The following MRPS27 variants were observed in gnomAD, a reference collection of about 807,000 sequenced individuals.
The protein encoded by MRPS27 is small ribosomal subunit protein mS27.
Under a neutral mutation model 48.9 loss-of-function variants are expected in MRPS27, and 43 were observed. The observed-to-expected ratio is 0.88, with a 90% CI of 0.69 to 1.13. The LOEUF (loss-of-function observed/expected upper bound fraction) is 1.13, where lower values mean the gene tolerates loss of function less well. Among genes scored for constraint, MRPS27 ranks in the 50% most tolerant of loss-of-function variants. The pLI, the probability that MRPS27 is intolerant of heterozygous loss-of-function variation, is 0.00. For synonymous variants in MRPS27, 188 were observed against 171.9 expected (o/e 1.09, Z -0.73); for missense variants, 467 against 476.3 (o/e 0.98, Z 0.18).
intron 10 of MRPS27, 43 bp downstream of exon 10, chr5:72,223,640 G>A: frequency 6.2e-7 from 1 of 1,607,584 alleles, no homozygotes; most frequent in East Asian, 2.2e-5. Flanking sequence ...AGAGAAGTGT[G>A]TTTTATGCGC....
In MRPS27 at chr5:72,320,173, C is replaced by T. The variant is rs750417687; in HGVS notation, c.49G>A (p.Val17Ile). The T allele has an allele frequency of 2.5e-6, 4 of 1,613,960 alleles. No individual in the cohort carries two copies. In the East Asian group the frequency reaches 8.9e-5, roughly 36 times the overall value. ...RRGMLLARQV[V>I]LPQLSPAGKR... ...CCTGCAGGAGAGAGCTGAGGAAGAA[C>T]CACTTGCCGCGCCAGGAGCATCCCG... The change falls in exon 1 of 11, where the codon GTT becomes ATT. Residue 17 changes from valine to isoleucine, a missense_variant. Transcript: ENST00000261413.
In MRPS27 at chr5:72,234,216, T is replaced by C. The variant is rs1371350705; in HGVS notation, c.397-19A>G. 1.4e-6 allele frequency: 2 copies of C among 1,456,952 alleles called. No homozygotes were observed. Among genetic ancestry groups the C allele is most frequent in the African/African-American group, 3.0e-5 (2 of 67,706 alleles). 90.3% of individuals were successfully genotyped at this position (1,456,952 alleles called of 1,614,324 possible). ...ATTGAACCTATAATGAAAATGAACA[T>C]AACAGGAAAAAAAGAGAAAATTATC... On this transcript the variant is annotated intron_variant, in intron 5 of 10. Transcript: ENST00000261413.
At chr5:72,310,352 C>T (rs1750411420) in intron 2 of MRPS27, among the ~76,000 whole-genome samples, 1 of 151,122 alleles carries the variant, frequency 6.6e-6, no homozygotes, top group Admixed American at 6.6e-5. Flanking sequence ...GAAGGGTACA[C>T]AGTGAGCCTG....
intron 5 of MRPS27, among the ~76,000 whole-genome samples, chr5:72,236,662 G>A (rs1056176343): frequency 5.3e-5 from 8 of 151,862 alleles, no homozygotes; most frequent in Admixed American, 3.3e-4. Flanking sequence ...TCTTTTACTC[G>A]CTTCCTTACC....
intron 4 of MRPS27, among the ~76,000 whole-genome samples, chr5:72,280,021 A>G (rs1454167223): frequency 6.6e-6 from 1 of 152,186 alleles, no homozygotes; most frequent in Non-Finnish European, 1.5e-5. Context: ...AAAATATCTC[A>G]GGTTTCCAGA....
At chr5:72,297,799 G>T (rs371105815) in intron 2 of MRPS27, 97 bp from the exon 3 acceptor site, 2 of 532,510 alleles carry the variant, frequency 3.8e-6, no homozygotes. Context: ...TAAAAGAAAC[G>T]TTCTTTCTTG....
chr5:72,228,798 A>G (rs943197461), intron 7 of MRPS27: 4 of 154,436 alleles, frequency 2.6e-5, no homozygotes, highest in African/African-American at 9.6e-5. Context: ...TGATGGAACA[A>G]GCTTTTGAAT....
At chr5:72,278,764 T>C (rs1749453844) in intron 4 of MRPS27, among the ~76,000 whole-genome samples, 1 of 152,218 alleles carries the variant, frequency 6.6e-6, no homozygotes, top group Admixed American at 6.5e-5. Context: ...TTTGAGATAA[T>C]CACCCTGATA....
intron 4 of MRPS27, among the ~76,000 whole-genome samples, chr5:72,273,254 A>G (rs1408385922): frequency 6.6e-6 from 1 of 152,214 alleles, no homozygotes; most frequent in Non-Finnish European, 1.5e-5. Context: ...AAGCTGGGCC[A>G]CTGGTCCGGG....
chr5:72,317,124 G>A (rs936902745), intron 1 of MRPS27, among the ~76,000 whole-genome samples: 3 of 151,638 alleles, frequency 2.0e-5, no homozygotes, highest in Admixed American at 6.6e-5. Flanking sequence ...CATGGGGGCT[G>A]ATTAAACACA....
chr5:72,279,438 A>T (rs1316775227), intron 4 of MRPS27, among the ~76,000 whole-genome samples: 2 of 152,144 alleles, frequency 1.3e-5, no homozygotes, highest in Non-Finnish European at 2.9e-5. Flanking sequence ...TTTTTGTAGA[A>T]TAGAACTTTA....
At chr5:72,259,967 T>C (rs903632756) in intron 4 of MRPS27, among the ~76,000 whole-genome samples, 1 of 152,212 alleles carries the variant, frequency 6.6e-6, no homozygotes, top group Non-Finnish European at 1.5e-5. Context: ...TCGTTCATAG[T>C]GCTTATTGGC....
intron 4 of MRPS27, among the ~76,000 whole-genome samples, chr5:72,289,426 CTT>C (rs113119081): frequency 2.7e-5 from 4 of 146,292 alleles, no homozygotes; most frequent in South Asian, 2.2e-4. Flanking sequence ...ATGCTATATT[CTT>C]TTTTTTTTTT....
At chr5:72,242,769 C>T (rs558741310) in intron 4 of MRPS27, among the ~76,000 whole-genome samples, 19 of 151,632 alleles carry the variant, frequency 1.3e-4, no homozygotes, top group Non-Finnish European at 2.5e-4. Flanking sequence ...GAAAATATAG[C>T]CTTTCTTCCA....
rs546701787 is a variant in MRPS27, at chr5:72,264,917, A to G, written c.282-26789T>C. On this transcript the variant is annotated intron_variant, in intron 4 of 10. Coordinates refer to ENST00000261413, the MANE Select transcript of MRPS27 (RefSeq NM_015084.3). Reference sequence around the variant, plus strand: ...TAAAAAATAATGGAAAAAACAACGGAGGAAGTACGCTTAGAGAAGGAAGTA... The same window carrying G: ...TAAAAAATAATGGAAAAAACAACGGGGGAAGTACGCTTAGAGAAGGAAGTA... Among the ~76,000 whole-genome samples, 73 of 152,280 alleles carry G rather than the reference A, an allele frequency of 4.8e-4. 1 individual carries two copies. In the South Asian group the frequency reaches 7.7e-3, roughly 16 times the overall value.
chr5:72,223,773 TTCA>T lies in MRPS27; in HGVS notation c.912_914del (p.Asp304del). 6.2e-7 allele frequency: 1 copy of T among 1,614,054 alleles called. No individual in the cohort carries two copies. Among genetic ancestry groups the T allele is most frequent in the South Asian group, 1.1e-5 (1 of 91,082 alleles). ...CCAGTTTTTCTGACCCCTGGTTGTCTTCATCATTTTGGGACTGCTCCTCTGAAG... is the reference window on the plus strand; with the variant it reads ...CCAGTTTTTCTGACCCCTGGTTGTCTTCATTTTGGGACTGCTCCTCTGAAG... On this transcript the variant is annotated inframe_deletion, in exon 10 of 11. Coordinates refer to ENST00000261413, the MANE Select transcript of MRPS27 (RefSeq NM_015084.3).
intron 9 of MRPS27, 137 bp from the exon 10 acceptor site, chr5:72,223,987 G>A: frequency 2.2e-6 from 2 of 889,222 alleles, no homozygotes; most frequent in Non-Finnish European, 3.3e-6. Context: ...TAAAATTGTA[G>A]GAAATATAAA....
chr5:72,234,315 C>T (rs772740054), intron 5 of MRPS27, 118 bp from the exon 6 acceptor site: 27 of 904,354 alleles, frequency 3.0e-5, no homozygotes, highest in Non-Finnish European at 3.9e-5. Flanking sequence ...AAATATTTGA[C>T]TATCATTTTA....
At chr5:72,271,806 AG>A (rs904235135) in intron 4 of MRPS27, among the ~76,000 whole-genome samples, 86 of 152,328 alleles carry the variant, frequency 5.6e-4, no homozygotes, top group African/African-American at 2.0e-3. Context: ...CAGTTAATAA[AG>A]TCATCTTTCT....
Sources: allele counts gnomAD v4.1 joint callset (sites outside exome capture counted in the v4.1 genomes callset), GRCh38; gene constraint gnomAD v4.1.1; transcripts MANE v1.5; gene names NCBI Gene and HGNC (gene_info 2026-07-23, HGNC 2026-07-21).